The following FBXO33 variants were observed in gnomAD, a reference collection of about 807,000 sequenced individuals.
FBXO33 encodes F-box protein 33, also known as F-box only protein 33.
In FBXO33, 22 loss-of-function variants were observed where a neutral mutation model predicts 46.3. The ratio of observed to expected loss-of-function variants is 0.48; its 90% confidence interval spans 0.34 to 0.68. The LOEUF is 0.68. Ranked by LOEUF, FBXO33 falls within the 30% of genes least tolerant of loss-of-function variation. FBXO33 has a pLI of 0.01. For missense variants in FBXO33, 692 were observed against 708.8 expected (o/e 0.98, Z 0.27); for synonymous variants, 337 against 291.3 (o/e 1.16, Z -1.60).
At chr14:39,404,788 A>G (rs2075385624) in intron 1 of FBXO33, among the ~76,000 whole-genome samples, 1 of 152,204 alleles carries the variant, frequency 6.6e-6, no homozygotes, top group Non-Finnish European at 1.5e-5. Context: ...ACATGAAATG[A>G]TGACGTAGAG....
chr14:39,431,882 G>A lies in FBXO33; in HGVS notation c.281C>T (p.Ser94Phe). The change falls in exon 1 of 4, where the codon TCC becomes TTC. Residue 94 changes from serine to phenylalanine, a missense_variant. Physicochemically the swap from Ser to Phe is radical, Grantham distance 155. Transcript: ENST00000298097. ...GAGGCACTCACGCCAGTGCGAGCAG[G>A]AGGCCGAGGCCCGCAGCCGGTCGGG... is the stretch of plus-strand genomic sequence containing the variant. Reference protein sequence around the residue: ...PAPDRLRASASCSHWRECLFY... With the variant: ...PAPDRLRASAFCSHWRECLFY... 1 of 1,566,620 alleles carries A rather than the reference G, an allele frequency of 6.4e-7. No homozygotes were observed. Among genetic ancestry groups the A allele is most frequent in the Non-Finnish European group, 8.6e-7 (1 of 1,162,440 alleles).
At chr14:39,407,933 T>G (rs1032857871) in intron 1 of FBXO33, among the ~76,000 whole-genome samples, 3 of 152,214 alleles carry the variant, frequency 2.0e-5, no homozygotes, top group African/African-American at 7.2e-5. Flanking sequence ...CCAATTTTTC[T>G]ACATCCTCAC....
Position 39,415,671 on chromosome 14 carries a change from C to T in FBXO33, c.600-13160G>A, listed in dbSNP as rs980311109. Among the ~76,000 whole-genome samples, 61 of 152,138 alleles carry T rather than the reference C, an allele frequency of 4.0e-4. 1 individual carries two copies. Among genetic ancestry groups the T allele is most frequent in the African/African-American group, 1.7e-4 (7 of 41,524 alleles). On this transcript the variant is annotated intron_variant, in intron 1 of 3. Coordinates refer to ENST00000298097, the MANE Select transcript of FBXO33 (RefSeq NM_203301.4). ...TTGGAGTTATTCTTCATGCTGTTGGCTTTTTCTTTTTTTGAGACAGAGTCT... is the reference window on the plus strand; with the variant it reads ...TTGGAGTTATTCTTCATGCTGTTGGTTTTTTCTTTTTTTGAGACAGAGTCT...
intron 1 of FBXO33, among the ~76,000 whole-genome samples, chr14:39,420,398 AG>A (rs1269656566): frequency 6.6e-6 from 1 of 152,210 alleles, no homozygotes; most frequent in Non-Finnish European, 1.5e-5. Context: ...ACTTCAGTGC[AG>A]AAGAAAGCGG....
intron 1 of FBXO33, among the ~76,000 whole-genome samples, chr14:39,430,504 T>C (rs1344477616): frequency 6.6e-6 from 1 of 152,190 alleles, no homozygotes; most frequent in East Asian, 1.9e-4. Context: ...AACAATGCCG[T>C]ACAGCAATGT....
chr14:39,413,272 T>G (rs374518244), intron 1 of FBXO33, among the ~76,000 whole-genome samples: 47 of 152,246 alleles, frequency 3.1e-4, no homozygotes, highest in South Asian at 2.1e-4. Flanking sequence ...AAAACCACTT[T>G]GTTCATCCAT....
intron 1 of FBXO33, among the ~76,000 whole-genome samples, chr14:39,415,701 C>T (rs1196519480): frequency 6.6e-6 from 1 of 152,172 alleles, no homozygotes; most frequent in Non-Finnish European, 1.5e-5. Flanking sequence ...GAGTCTTGCT[C>T]TGTTGCCCAG....
At chr14:39,409,648 T>C (rs73285563) in intron 1 of FBXO33, among the ~76,000 whole-genome samples, 3 of 152,352 alleles carry the variant, frequency 2.0e-5, no homozygotes, top group African/African-American at 7.2e-5. Context: ...TTGCATTGAA[T>C]CTGTAGACTG....
Position 39,431,651 on chromosome 14 carries a change from G to C in FBXO33, c.512C>G (p.Ala171Gly). The change falls in exon 1 of 4, where the codon GCC becomes GGC. Residue 171 changes from alanine (A) to glycine (G), a missense_variant. By Grantham distance (60) the Ala-to-Gly change is moderately conservative. This residue lies in a region of FBXO33 where 412 missense variants were observed against 370.8 expected (regional missense o/e 1.11). Coordinates refer to ENST00000298097, the MANE Select transcript of FBXO33 (RefSeq NM_203301.4). Reference protein sequence around the residue: ...DTGTGGEEVEALQLSARWLEV... With the variant: ...DTGTGGEEVEGLQLSARWLEV... ...CAGCCAACGAGCTGAGAGCTGCAGG[G>C]CCTCGACTTCCTCCCCTCCAGTCCC... The C allele has an allele frequency of 6.2e-7, 1 of 1,613,618 alleles. No homozygotes were observed. Among genetic ancestry groups the C allele is most frequent in the Non-Finnish European group, 8.5e-7 (1 of 1,180,024 alleles).
At chr14:39,410,284 T>G (rs2075416749) in intron 1 of FBXO33, among the ~76,000 whole-genome samples, 1 of 152,242 alleles carries the variant, frequency 6.6e-6, no homozygotes, top group Non-Finnish European at 1.5e-5. Context: ...TTTCTGCATC[T>G]ATTGACATGG....
In FBXO33 at chr14:39,398,455, T is replaced by G. The variant is rs1324970382; in HGVS notation, c.*1061A>C. ...CTATTCACAGTGAAACAGGTGCATG[T>G]TTTTTTTTTCTTTTTTTTTTTTTTT... is the stretch of plus-strand genomic sequence containing the variant. On this transcript the variant is annotated 3_prime_UTR_variant, in exon 4 of 4. Coordinates refer to ENST00000298097, the MANE Select transcript of FBXO33 (RefSeq NM_203301.4). The G allele has an allele frequency of 6.7e-6, 1 of 148,846 alleles. No homozygotes were observed. The highest frequency in any genetic ancestry group is 1.5e-5 in the Non-Finnish European group (1 of 67,592). 9.2% of individuals were successfully genotyped at this position (148,846 alleles called of 1,614,324 possible).
chr14:39,425,680 C>T (rs1399086490), intron 1 of FBXO33, among the ~76,000 whole-genome samples: 2 of 152,224 alleles, frequency 1.3e-5, no homozygotes, highest in Non-Finnish European at 2.9e-5. Flanking sequence ...ACGGTCATAG[C>T]CAAATCAAAC....
chr14:39,426,778 C>T (rs2075517399), intron 1 of FBXO33, among the ~76,000 whole-genome samples: 2 of 152,200 alleles, frequency 1.3e-5, no homozygotes, highest in Admixed American at 1.3e-4. Flanking sequence ...CATGCTGCAG[C>T]TCAAATATCC....
intron 1 of FBXO33, among the ~76,000 whole-genome samples, chr14:39,403,089 C>A (rs895871703): frequency 6.6e-6 from 1 of 152,126 alleles, no homozygotes; most frequent in Non-Finnish European, 1.5e-5. Flanking sequence ...TGATATATGA[C>A]AAACTATGTA....
chr14:39,423,787 T>G (rs567998133), intron 1 of FBXO33, among the ~76,000 whole-genome samples: 1 of 152,322 alleles, frequency 6.6e-6, no homozygotes, highest in South Asian at 2.1e-4. Context: ...CTTCTAGGGC[T>G]CTAGTAATGT....
chr14:39,428,800 C>T (rs1224477664), intron 1 of FBXO33, among the ~76,000 whole-genome samples: 1 of 152,184 alleles, frequency 6.6e-6, no homozygotes, highest in Admixed American at 6.5e-5. Context: ...GTTGTTTGCA[C>T]TTCTAGGTAC....
chr14:39,404,255 T>C (rs1219442784), intron 1 of FBXO33, among the ~76,000 whole-genome samples: 3 of 152,228 alleles, frequency 2.0e-5, no homozygotes, highest in Admixed American at 1.3e-4. Flanking sequence ...GACAAGTACA[T>C]GGTGCTACAT....
intron 1 of FBXO33, among the ~76,000 whole-genome samples, chr14:39,429,345 T>C (rs1436041856): frequency 1.3e-5 from 2 of 152,166 alleles, no homozygotes; most frequent in East Asian, 1.9e-4. Flanking sequence ...AGCAAAACCA[T>C]TGTAAATTTA....
chr14:39,430,413 C>T lies in FBXO33; in HGVS notation c.599+1151G>A, dbSNP rs529926439. ...CCTTATATCTATATATATCTCCTAG[C>T]ATTAAACCAGGGACTGCTCTCAACC... On this transcript the variant is annotated intron_variant, in intron 1 of 3. Coordinates refer to ENST00000298097, the MANE Select transcript of FBXO33 (RefSeq NM_203301.4). 1.2e-3 allele frequency among the ~76,000 whole-genome samples: 185 copies of T among 152,236 alleles called. 3 individuals are homozygous for T. The highest frequency in any genetic ancestry group is 1.9e-3 in the Non-Finnish European group (131 of 68,014).
Sources: allele counts gnomAD v4.1 joint callset (sites outside exome capture counted in the v4.1 genomes callset), GRCh38; gene constraint gnomAD v4.1.1; regional missense constraint gnomAD v4.1.1; transcripts MANE v1.5; gene names NCBI Gene and HGNC (gene_info 2026-07-23, HGNC 2026-07-21).